The following SRC variants were observed in gnomAD, a reference collection of about 807,000 sequenced individuals.
The protein encoded by SRC is proto-oncogene tyrosine-protein kinase Src.
SRC carries 13 observed loss-of-function variants against 62.9 expected under a neutral mutation model. The observed-to-expected ratio is 0.21, with a 90% CI of 0.13 to 0.33. SRC has a LOEUF of 0.33. Among genes scored for constraint, SRC ranks in the 10% least tolerant of loss-of-function variants. SRC has a pLI of 1.00. For synonymous variants in SRC, 302 were observed against 317.5 expected, an observed-to-expected ratio of 0.95 and a Z score of 0.52; for missense variants, 457 against 737.3, an observed-to-expected ratio of 0.62 and a Z score of 4.40.
intron 7 of SRC, among the ~76,000 whole-genome samples, chr20:37,395,685 C>A (rs1428963096): frequency 6.6e-6 from 1 of 152,280 alleles, no homozygotes; most frequent in East Asian, 1.9e-4. Flanking sequence ...GACAGTGCCC[C>A]CGCAAGCTGA....
Position 37,403,570 on chromosome 20 carries a change from G to T in SRC, c.*191G>T, listed in dbSNP as rs1444743446. On this transcript the variant is annotated 3_prime_UTR_variant, in exon 14 of 14. Transcript: ENST00000373578. The surrounding 1 kb of genome is among the most constrained non-coding windows in gnomAD (Gnocchi z 7.1). Reference sequence around the variant, plus strand: ...CCTAGGGTGGCCTGAGAGGGCGGTGGGTATGCGAGACCAGCACGGTGACTC... The same window carrying T: ...CCTAGGGTGGCCTGAGAGGGCGGTGTGTATGCGAGACCAGCACGGTGACTC... 3 of 640,902 alleles carry T rather than the reference G, an allele frequency of 4.7e-6. No homozygotes were observed. The highest frequency in any genetic ancestry group is 2.9e-5 in the Admixed American group (1 of 33,924). 39.7% of individuals were successfully genotyped at this position (640,902 alleles called of 1,614,324 possible).
chr20:37,347,552 G>A (rs1374596625), intron 1 of SRC, among the ~76,000 whole-genome samples: 2 of 152,210 alleles, frequency 1.3e-5, no homozygotes, highest in African/African-American at 4.8e-5. Flanking sequence ...GAGGTTGCTG[G>A]CTAGTTCATT....
intron 7 of SRC, among the ~76,000 whole-genome samples, chr20:37,394,628 G>C (rs1453256538): frequency 1.3e-5 from 2 of 152,028 alleles, no homozygotes; most frequent in Non-Finnish European, 2.9e-5. Context: ...GGGGTCCCTG[G>C]GCTGCACTGG....
intron 1 of SRC, among the ~76,000 whole-genome samples, chr20:37,350,005 C>A (rs577224144): frequency 6.6e-6 from 1 of 152,224 alleles, no homozygotes; most frequent in Non-Finnish European, 1.5e-5. Context: ...AGGCTCTGGA[C>A]TCCTAGTCCA....
rs773624025 is a variant in SRC at position 37,393,885 on chromosome 20, C to G, written c.351-10C>G. The G allele has an allele frequency of 6.2e-7, 1 of 1,605,532 alleles. No homozygotes were observed. ...CTTCTCCTTTCCTCCCTCCTTCTGT[C>G]CCTGCTCAGAGAGGGAGACTGGTGG... On this transcript the variant is annotated splice_polypyrimidine_tract_variant and intron_variant, in intron 5 of 13. Transcript: ENST00000373578.
At chr20:37,375,167 G>A (rs1458817285) in intron 2 of SRC, among the ~76,000 whole-genome samples, 1 of 151,486 alleles carries the variant, frequency 6.6e-6, no homozygotes, top group Non-Finnish European at 1.5e-5. Flanking sequence ...CTGACCTCAG[G>A]TGATCCACCT....
intron 5 of SRC, among the ~76,000 whole-genome samples, chr20:37,392,685 A>T (rs917832190): frequency 6.6e-6 from 1 of 152,078 alleles, no homozygotes; most frequent in Non-Finnish European, 1.5e-5. Context: ...CTCTGGCCTC[A>T]GTCTTCCCAG....
intron 2 of SRC, among the ~76,000 whole-genome samples, chr20:37,370,505 G>A (rs548432903): frequency 6.3e-4 from 96 of 152,336 alleles, no homozygotes; most frequent in Admixed American, 2.6e-3. Flanking sequence ...AACCCAGGAG[G>A]TGGAGGTTGC....
chr20:37,379,887 C>A (rs2070335693), intron 2 of SRC, among the ~76,000 whole-genome samples: 1 of 106,228 alleles, frequency 9.4e-6, no homozygotes, highest in African/African-American at 4.1e-5. Context: ...TAGAGTGAGA[C>A]TCCATTTCAA....
rs2070751052 is a variant in SRC at position 37,402,381 on chromosome 20, C to T, written c.1117-54C>T. On this transcript the variant is annotated intron_variant, in intron 11 of 13. Coordinates refer to ENST00000373578, the MANE Select transcript of SRC (RefSeq NM_198291.3). The surrounding 1 kb of genome is among the most constrained non-coding windows in gnomAD (Gnocchi z 6.2). ...TCTCCAGCCCCAGAGTGCTCTGTGG[C>T]CCTGGGAGGGCATGGGTGGCACCTG... is the stretch of plus-strand genomic sequence containing the variant. The T allele has an allele frequency of 6.3e-7, 1 of 1,590,824 alleles. No individual in the cohort carries two copies. Among genetic ancestry groups the T allele is most frequent in the African/African-American group, 1.4e-5 (1 of 74,026 alleles).
In SRC at chr20:37,403,138, A is replaced by G; in HGVS notation, c.1403-33A>G. 6.6e-7 allele frequency: 1 copy of G among 1,505,946 alleles called. No individual in the cohort carries two copies. Among genetic ancestry groups the G allele is most frequent in the Non-Finnish European group, 8.9e-7 (1 of 1,127,398 alleles). The allele number at this position is 1,505,946 out of a possible 1,614,324, so 93.3% of individuals were successfully genotyped here. A position where few individuals can be genotyped will look rare whatever the true frequency, so the allele number is the denominator to read the frequency against. On this transcript the variant is annotated intron_variant, in intron 13 of 13. Coordinates refer to ENST00000373578, the MANE Select transcript of SRC (RefSeq NM_198291.3). The surrounding 1 kb of genome is among the most constrained non-coding windows in gnomAD (Gnocchi z 7.1). The stretch of plus-strand genomic sequence containing the variant: ...TCCCCCACCCCACTTTCCTCACCGG[A>G]GCCGGGCTCCCCATGCCTCGCTCTG...
rs1022237829 is a variant in SRC, at chr20:37,405,107, G to A, written c.*1728G>A. The stretch of plus-strand genomic sequence containing the variant: ...GAAATTTCAACTTTTCCTTTCATAC[G>A]TCTTTATTACCCAAGTCTTCTCCCG... On this transcript the variant is annotated 3_prime_UTR_variant, in exon 14 of 14. Transcript: ENST00000373578. 4.3e-6 allele frequency: 1 copy of A among 233,126 alleles called. No homozygotes were observed. The highest frequency in any genetic ancestry group is 6.0e-5 in the East Asian group (1 of 16,534). The allele number at this position is 233,126 out of a possible 1,614,324, so 14.4% of individuals were successfully genotyped here.
chr20:37,394,672 C>T (rs1272917426), intron 7 of SRC, among the ~76,000 whole-genome samples: 2 of 152,134 alleles, frequency 1.3e-5, no homozygotes, highest in East Asian at 3.9e-4. Context: ...CCCCCAACTG[C>T]AGTCCTGGTC....
Position 37,397,723 on chromosome 20 carries a change from G to A in SRC, c.728G>A (p.Arg243His), listed in dbSNP as rs751268997. The A allele has an allele frequency of 1.9e-6, 3 of 1,597,704 alleles. No individual in the cohort carries two copies. Among genetic ancestry groups the A allele is most frequent in the East Asian group, 2.2e-5 (1 of 44,510 alleles). ...YSKHADGLCH[R>H]LTTVCPTSKP... is the part of the protein sequence containing the mutation. ...GAACACGCCGATGGCCTGTGCCACCGCCTCACCACCGTGTGCCCCACGTCC... is the reference window on the plus strand; with the variant it reads ...GAACACGCCGATGGCCTGTGCCACCACCTCACCACCGTGTGCCCCACGTCC... The change falls in exon 9 of 14, where the codon CGC (arginine) becomes CAC (histidine). Residue 243 changes from arginine to histidine, a missense_variant. Arg to His is a conservative substitution (Grantham distance 29). Around this residue, in one of 4 missense-constraint regions of SRC, gnomAD observed 141 missense variants for 198.4 expected, o/e 0.71. Coordinates refer to ENST00000373578, the MANE Select transcript of SRC (RefSeq NM_198291.3). The surrounding 1 kb of genome is among the most constrained non-coding windows in gnomAD (Gnocchi z 4.1).
At chr20:37,370,303 G>A (rs2070141481) in intron 2 of SRC, among the ~76,000 whole-genome samples, 3 of 152,218 alleles carry the variant, frequency 2.0e-5, no homozygotes, top group Admixed American at 2.0e-4. Context: ...GGCTGGGCTT[G>A]GTACCTCACG....
chr20:37,386,580 C>T, intron 5 of SRC: 1 of 687,758 alleles, frequency 1.5e-6, no homozygotes, highest in Non-Finnish European at 2.7e-6. Context: ...ATCTCTGGCT[C>T]TCTTGGCTGC....
At chr20:37,394,122 A>T (rs1601010666) in intron 6 of SRC, 52 bp from the exon 7 acceptor site, 7 of 1,580,190 alleles carry the variant, frequency 4.4e-6, no homozygotes, top group Middle Eastern at 1.7e-4. Context: ...AAGCACTGTG[A>T]GTGGGCAGAA....
intron 2 of SRC, among the ~76,000 whole-genome samples, chr20:37,378,161 CTTTT>C (rs770833912): frequency 3.3e-5 from 4 of 122,940 alleles, no homozygotes; most frequent in Non-Finnish European, 6.9e-5. Flanking sequence ...TCTTTCTTCT[CTTTT>C]TTTTTTTTTT....
At chr20:37,385,584 G>A (rs1026958229) in intron 4 of SRC, among the ~76,000 whole-genome samples, 6 of 152,046 alleles carry the variant, frequency 3.9e-5, no homozygotes, top group Non-Finnish European at 7.4e-5. Flanking sequence ...TTCTGAGGGG[G>A]CAGTTACTTG....
Sources: allele counts gnomAD v4.1 joint callset (sites outside exome capture counted in the v4.1 genomes callset), GRCh38; gene constraint gnomAD v4.1.1; regional missense constraint gnomAD v4.1.1; non-coding constraint Gnocchi (gnomAD v3.1); transcripts MANE v1.5; gene names NCBI Gene and HGNC (gene_info 2026-07-23, HGNC 2026-07-21).